Variants in CA8 observed in about 807,000 individuals in gnomAD.
CA8 encodes carbonic anhydrase 8 (inactive), also known as carbonic anhydrase-related protein.
In CA8, 22 loss-of-function variants were observed where a neutral mutation model predicts 41.4. That is an observed-to-expected ratio of 0.53 (90% CI 0.38 to 0.76). The LOEUF (loss-of-function observed/expected upper bound fraction) is 0.76, where lower values mean the gene tolerates loss of function less well. Ranked by LOEUF, CA8 falls within the 30% of genes least tolerant of loss-of-function variation. The pLI, the probability that CA8 is intolerant of heterozygous loss-of-function variation, is 0.00. For synonymous variants in CA8, 121 were observed against 130.6 expected (o/e 0.93, Z 0.50); for missense variants, 270 against 352.8 (o/e 0.77, Z 1.88).
At chr8:60,274,156 A>ATTT (rs35724309) in intron 2 of CA8, among the ~76,000 whole-genome samples, 41 of 150,652 alleles carry the variant, frequency 2.7e-4, no homozygotes, top group African/African-American at 2.9e-4. Context: ...TCTTGTGTGG[A>ATTT]TTTTTTTTTT....
At chr8:60,200,014 A>G (rs1344226541) in intron 8 of CA8, among the ~76,000 whole-genome samples, 1 of 152,194 alleles carries the variant, frequency 6.6e-6, no homozygotes, top group East Asian at 1.9e-4. Context: ...TAAAATCTTA[A>G]CCACTAAGGT....
intron 3 of CA8, 119 bp downstream of exon 3, chr8:60,265,806 G>T: frequency 1.8e-6 from 2 of 1,139,368 alleles, no homozygotes; most frequent in Non-Finnish European, 2.5e-6. Context: ...TTAAATTTTA[G>T]TATAAACTGA....
At chr8:60,247,660 G>GGGTATTTGGGTTGGTTCCAT (rs1808296143) in intron 3 of CA8, among the ~76,000 whole-genome samples, 1 of 152,170 alleles carries the variant, frequency 6.6e-6, no homozygotes, top group Non-Finnish European at 1.5e-5. Context: ...TTTCATTGAT[G>GGGTATTTGGGTTGGTTCCAT]GGTATTTGGG....
chr8:60,247,204 C>T (rs1808277705), intron 3 of CA8, among the ~76,000 whole-genome samples: 1 of 152,090 alleles, frequency 6.6e-6, no homozygotes, highest in African/African-American at 2.4e-5. Context: ...TTACAGTGAC[C>T]ACTTCATGGC....
At chr8:60,261,119 GC>G (rs1390437896) in intron 3 of CA8, among the ~76,000 whole-genome samples, 1 of 151,846 alleles carries the variant, frequency 6.6e-6, no homozygotes, top group Non-Finnish European at 1.5e-5. Context: ...TGGCGACCTG[GC>G]ACAGGGGCCA....
At chr8:60,258,637 A>C (rs1803632377) in intron 3 of CA8, among the ~76,000 whole-genome samples, 1 of 152,152 alleles carries the variant, frequency 6.6e-6, no homozygotes. Flanking sequence ...TATACAACTC[A>C]CCATAATGTA....
chr8:60,235,555 T>A (rs1036385440), intron 3 of CA8, among the ~76,000 whole-genome samples: 2 of 152,222 alleles, frequency 1.3e-5, no homozygotes, highest in East Asian at 3.9e-4. Context: ...ATTATTCACA[T>A]TGACATCTGT....
intron 8 of CA8, among the ~76,000 whole-genome samples, chr8:60,191,387 T>C (rs992399339): frequency 6.6e-6 from 1 of 152,126 alleles, no homozygotes. Flanking sequence ...GGTCACAATG[T>C]ATTTATTTTC....
At chr8:60,205,812 C>T (rs1002234393) in intron 8 of CA8, among the ~76,000 whole-genome samples, 4 of 152,102 alleles carry the variant, frequency 2.6e-5, no homozygotes, top group Non-Finnish European at 4.4e-5. Flanking sequence ...TTCAGTAAAA[C>T]ATAGCTAAAA....
chr8:60,235,964 A>C (rs1423172061), intron 3 of CA8, among the ~76,000 whole-genome samples: 3 of 152,220 alleles, frequency 2.0e-5, no homozygotes, highest in Non-Finnish European at 2.9e-5. Context: ...CTGGAATATA[A>C]GCTAGGAGGA....
intron 3 of CA8, among the ~76,000 whole-genome samples, chr8:60,235,053 G>C (rs571111077): frequency 1.8e-4 from 27 of 152,190 alleles, no homozygotes; most frequent in Non-Finnish European, 3.5e-4. Flanking sequence ...TGCCTCTCAA[G>C]TTAGCTCACT....
chr8:60,230,582 T>TTCCCC (rs1452661179), intron 4 of CA8, among the ~76,000 whole-genome samples: 1 of 136,576 alleles, frequency 7.3e-6, no homozygotes, highest in East Asian at 2.4e-4. Flanking sequence ...CATCCCTCCC[T>TTCCCC]TCCCCTCTCC....
intron 3 of CA8, among the ~76,000 whole-genome samples, chr8:60,246,426 G>A (rs1808239123): frequency 6.6e-6 from 1 of 151,934 alleles, no homozygotes; most frequent in African/African-American, 2.4e-5. Flanking sequence ...CTGAGTAGCT[G>A]GGATTACAGG....
chr8:60,275,551 A>G (rs1804205211), intron 2 of CA8, among the ~76,000 whole-genome samples: 2 of 152,118 alleles, frequency 1.3e-5, no homozygotes, highest in African/African-American at 4.8e-5. Flanking sequence ...GTTCAATCAA[A>G]AGACTAAACG....
At chr8:60,226,345 G>A (rs1807437551) in intron 5 of CA8, among the ~76,000 whole-genome samples, 1 of 152,084 alleles carries the variant, frequency 6.6e-6, no homozygotes, top group Non-Finnish European at 1.5e-5. Flanking sequence ...GGGCCATCCT[G>A]TATTTATGGT....
In CA8 at chr8:60,191,772, C is replaced by T. The variant is rs1034658269; in HGVS notation, c.*36-1787G>A. 3.3e-5 allele frequency among the ~76,000 whole-genome samples: 5 copies of T among 152,108 alleles called. No homozygotes were observed. The South Asian group carries it at 6.2e-4, about 19-fold the overall frequency. On this transcript the variant is annotated intron_variant, in intron 8 of 8. Coordinates refer to ENST00000317995, the MANE Select transcript of CA8 (RefSeq NM_004056.6). ...CCTTCTAAATATTAAGCTACCATGG[C>T]CCAAAACATGAAATAAAATATGGGT... is the stretch of plus-strand genomic sequence containing the variant.
intron 2 of CA8, among the ~76,000 whole-genome samples, chr8:60,274,748 T>G (rs1372154929): frequency 1.3e-5 from 2 of 152,132 alleles, no homozygotes; most frequent in African/African-American, 4.8e-5. Flanking sequence ...AGCTTGATAT[T>G]GGACTTCCGA....
intron 3 of CA8, among the ~76,000 whole-genome samples, chr8:60,239,259 A>G (rs139681489): frequency 0.014 from 2,195 of 152,218 alleles, 56 homozygotes; most frequent in African/African-American, 0.05. Flanking sequence ...GTGAGCCACA[A>G]TTGAATTCAG....
At chr8:60,234,992 T>C (rs895805137) in intron 3 of CA8, among the ~76,000 whole-genome samples, 1 of 152,192 alleles carries the variant, frequency 6.6e-6, no homozygotes, top group African/African-American at 2.4e-5. Context: ...TGTAACCTAG[T>C]AGTGGTAACC....
Sources: allele counts gnomAD v4.1 joint callset (sites outside exome capture counted in the v4.1 genomes callset), GRCh38; gene constraint gnomAD v4.1.1; transcripts MANE v1.5; gene names NCBI Gene and HGNC (gene_info 2026-07-23, HGNC 2026-07-21).